Variants in LRP1B observed in about 807,000 individuals in gnomAD.
The protein encoded by LRP1B is low-density lipoprotein receptor-related protein 1B.
Under a neutral mutation model 556.6 loss-of-function variants are expected in LRP1B, and 217 were observed. The ratio of observed to expected loss-of-function variants is 0.39; its 90% CI spans 0.35 to 0.44. LRP1B has a LOEUF of 0.44. Ranked by LOEUF, LRP1B falls within the 20% of genes least tolerant of loss-of-function variation. LRP1B has a pLI of 1.00. For missense variants in LRP1B, 5,053 were observed against 5,620.8 expected, an observed-to-expected ratio of 0.90 and a Z score of 3.23; for synonymous variants, 2,047 against 1,865.8, an observed-to-expected ratio of 1.10 and a Z score of -2.50.
intron 84 of LRP1B, among the ~76,000 whole-genome samples, chr2:140,295,830 A>G (rs1683579780): frequency 6.6e-6 from 1 of 152,214 alleles, no homozygotes; most frequent in Non-Finnish European, 1.5e-5. Context: ...GAATAAAATG[A>G]ACTATGACTG....
intron 24 of LRP1B, among the ~76,000 whole-genome samples, 159 bp from the exon 25 acceptor site, chr2:140,884,180 T>C (rs543738238): frequency 5.3e-5 from 8 of 152,298 alleles, no homozygotes; most frequent in Admixed American, 3.3e-4. Flanking sequence ...TAAAACCAAG[T>C]AGACTCAAAT....
At chr2:141,656,224 G>C (rs1047322130) in intron 2 of LRP1B, among the ~76,000 whole-genome samples, 1 of 152,050 alleles carries the variant, frequency 6.6e-6, no homozygotes, top group Non-Finnish European at 1.5e-5. Context: ...TCTTAACTAT[G>C]ATATGTGGTT....
At chr2:140,754,759 T>A (rs1688687687) in intron 35 of LRP1B, among the ~76,000 whole-genome samples, 2 of 126,536 alleles carry the variant, frequency 1.6e-5, no homozygotes, top group African/African-American at 3.2e-5. Context: ...ATCTTCTTGC[T>A]TAAGAACTAG....
At chr2:141,446,255 T>A (rs1681189509) in intron 3 of LRP1B, among the ~76,000 whole-genome samples, 1 of 152,198 alleles carries the variant, frequency 6.6e-6, no homozygotes, top group Non-Finnish European at 1.5e-5. Context: ...TTGCTTTTGA[T>A]TTGTTTGGTA....
chr2:140,274,420 T>G lies in LRP1B; in HGVS notation c.13142+4A>C. 1 of 1,611,924 alleles carries G rather than the reference T, an allele frequency of 6.2e-7. No individual in the cohort carries two copies. Among genetic ancestry groups the G allele is most frequent in the Non-Finnish European group, 8.5e-7 (1 of 1,178,566 alleles). ...TTTATAAATTAAGCTGGGTGTCCAC[T>G]TACTTGCAAAATATATCTTCACTGT... is the stretch of plus-strand genomic sequence containing the variant. On this transcript the variant is annotated splice_donor_region_variant and intron_variant, in intron 85 of 90. Coordinates refer to ENST00000389484, the MANE Select transcript of LRP1B (RefSeq NM_018557.3).
At chr2:141,903,091 T>A (rs945258786) in intron 1 of LRP1B, among the ~76,000 whole-genome samples, 1 of 151,790 alleles carries the variant, frequency 6.6e-6, no homozygotes, top group Non-Finnish European at 1.5e-5. Flanking sequence ...ATATTGACAA[T>A]GTTAACTAGC....
chr2:141,077,944 A>G (rs1305538817), intron 7 of LRP1B, among the ~76,000 whole-genome samples: 1 of 151,474 alleles, frequency 6.6e-6, no homozygotes, highest in Non-Finnish European at 1.5e-5. Flanking sequence ...AGTCTATCTC[A>G]GAACTTGAGA....
intron 41 of LRP1B, among the ~76,000 whole-genome samples, chr2:140,670,009 T>A (rs1023247738): frequency 6.6e-6 from 1 of 152,150 alleles, no homozygotes; most frequent in Admixed American, 6.6e-5. Context: ...TGTTAAAATA[T>A]TTTCTCTAAA....
At chr2:141,203,681 C>T (rs781098154) in intron 6 of LRP1B, among the ~76,000 whole-genome samples, 24 of 152,136 alleles carry the variant, frequency 1.6e-4, no homozygotes, top group Non-Finnish European at 3.2e-4. Flanking sequence ...CCAAGTGGAC[C>T]TAATAGACAT....
At chr2:141,028,385 C>CA (rs1467502283) in intron 11 of LRP1B, among the ~76,000 whole-genome samples, 23 of 148,580 alleles carry the variant, frequency 1.5e-4, no homozygotes, top group African/African-American at 4.7e-4. Flanking sequence ...TAAAGCTGTG[C>CA]AAAAAAAAAT....
At chr2:141,096,627 G>GAGAGAGA (rs1700315597) in intron 7 of LRP1B, among the ~76,000 whole-genome samples, 75 of 50,460 alleles carry the variant, frequency 1.5e-3, no homozygotes, top group Non-Finnish European at 1.6e-3. Context: ...ACGGGGAGAG[G>GAGAGAGA]GGGAGAGAGA....
At chr2:140,668,894 G>A (rs986887618) in intron 41 of LRP1B, among the ~76,000 whole-genome samples, 2 of 152,138 alleles carry the variant, frequency 1.3e-5, no homozygotes, top group African/African-American at 4.8e-5. Context: ...TAAAATACGG[G>A]ACTAAAAATT....
chr2:141,415,164 G>A (rs182824201), intron 3 of LRP1B, among the ~76,000 whole-genome samples: 7 of 152,208 alleles, frequency 4.6e-5, no homozygotes, highest in Admixed American at 1.3e-4. Context: ...ACAGGCTCCC[G>A]CCACCACGCC....
At chr2:141,748,448 G>A (rs1383631096) in intron 2 of LRP1B, among the ~76,000 whole-genome samples, 2 of 152,112 alleles carry the variant, frequency 1.3e-5, no homozygotes, top group Non-Finnish European at 2.9e-5. Context: ...GACACGGATG[G>A]AAGATAATAA....
At chr2:141,871,726 G>A (rs563583669) in intron 1 of LRP1B, among the ~76,000 whole-genome samples, 2 of 152,000 alleles carry the variant, frequency 1.3e-5, no homozygotes, top group East Asian at 3.9e-4. Flanking sequence ...ATAGATGAAT[G>A]CACAATTTAA....
At chr2:140,239,965 G>T (rs1258907693) in intron 87 of LRP1B, among the ~76,000 whole-genome samples, 3 of 150,846 alleles carry the variant, frequency 2.0e-5, no homozygotes, top group African/African-American at 4.8e-5. Flanking sequence ...TCTGGTCAGG[G>T]GTCCATGTGA....
chr2:141,717,027 C>T (rs1197813266), intron 2 of LRP1B, among the ~76,000 whole-genome samples: 3 of 152,080 alleles, frequency 2.0e-5, no homozygotes, highest in Non-Finnish European at 4.4e-5. Flanking sequence ...TGTTGAGGTG[C>T]TCATGCAGTT....
intron 2 of LRP1B, among the ~76,000 whole-genome samples, chr2:141,525,067 T>C (rs72992762): frequency 0.031 from 4,746 of 152,192 alleles, 269 homozygotes; most frequent in African/African-American, 0.11. Context: ...TTTTTGACTC[T>C]GAAATACATT....
intron 2 of LRP1B, among the ~76,000 whole-genome samples, chr2:141,632,455 T>C (rs1446991702): frequency 6.6e-6 from 1 of 152,134 alleles, no homozygotes; most frequent in Non-Finnish European, 1.5e-5. Flanking sequence ...ACGTAGTCTA[T>C]TACATTGTTT....
Sources: allele counts gnomAD v4.1 joint callset (sites outside exome capture counted in the v4.1 genomes callset), GRCh38; gene constraint gnomAD v4.1.1; transcripts MANE v1.5; gene names NCBI Gene and HGNC (gene_info 2026-07-23, HGNC 2026-07-21).